The following GPATCH8 variants were observed in gnomAD, a reference collection of about 807,000 sequenced individuals.
The protein encoded by GPATCH8 is G-patch domain containing 8.
GPATCH8 carries 18 observed loss-of-function variants against 118.3 expected under a neutral mutation model. That is an observed-to-expected ratio of 0.15 (90% CI 0.11 to 0.23). GPATCH8 has a LOEUF of 0.23. Among genes scored for constraint, GPATCH8 ranks in the 10% least tolerant of loss-of-function variants. The pLI is 1.00. For synonymous variants in GPATCH8, 659 were observed against 684.7 expected (o/e 0.96, Z 0.59); for missense variants, 1,631 against 1,873.8 (o/e 0.87, Z 2.39).
chr17:44,400,183 C>T lies in GPATCH8; in HGVS notation c.1894G>A (p.Ala632Thr), dbSNP rs368506504. ...IVRSSGGRMD[A>T]PASGSACSGL... Reference sequence around the variant, plus strand: ...CTACAGGCAGACCCTGAAGCAGGTGCGTCCATTCTGCCTCCTGAGGAACGT... The same window carrying T: ...CTACAGGCAGACCCTGAAGCAGGTGTGTCCATTCTGCCTCCTGAGGAACGT... The change falls in exon 8 of 8, where the codon GCA becomes ACA. Residue 632 changes from alanine to threonine, a missense_variant. Ala to Thr is a moderately conservative substitution (Grantham distance 58). This residue lies in a region of GPATCH8 where 922 missense variants were observed against 879.7 expected (regional missense o/e 1.05). Transcript: ENST00000591680. The T allele has an allele frequency of 4.1e-5, 66 of 1,614,058 alleles. No individual in the cohort carries two copies. The highest frequency in any genetic ancestry group is 2.9e-4 in the South Asian group (26 of 91,086).
Position 44,399,459 on chromosome 17 carries a change from C to G in GPATCH8, c.2618G>C (p.Ser873Thr), listed in dbSNP as rs2048920394. Residue 873 changes from serine to threonine, a missense_variant, in exon 8 of 8, where the codon AGC (serine) becomes ACC (threonine). By Grantham distance (58) the Ser-to-Thr change is moderately conservative. Around this residue, in one of 8 missense-constraint regions of GPATCH8, gnomAD observed 922 missense variants for 879.7 expected, o/e 1.05. Coordinates refer to ENST00000591680, the MANE Select transcript of GPATCH8 (RefSeq NM_001002909.4). Reference sequence around the variant, plus strand: ...GCTCTGGTCTGAAGAGGCATCTGAGCTACTTGAGTAAGAACGCCGGGAGGA... The same window carrying G: ...GCTCTGGTCTGAAGAGGCATCTGAGGTACTTGAGTAAGAACGCCGGGAGGA... ...HRSSRRSYSSSSDASSDQSCY... is the reference protein window; with the variant it reads ...HRSSRRSYSSTSDASSDQSCY... 8 of 1,614,192 alleles carry G rather than the reference C, an allele frequency of 5.0e-6. No individual in the cohort carries two copies. Among genetic ancestry groups the G allele is most frequent in the Non-Finnish European group, 5.1e-6 (6 of 1,180,040 alleles).
intron 1 of GPATCH8, among the ~76,000 whole-genome samples, chr17:44,488,532 G>A (rs1428816922): frequency 6.6e-6 from 1 of 151,150 alleles, no homozygotes; most frequent in African/African-American, 2.4e-5. Flanking sequence ...ACCAAGCGTA[G>A]CTAACTTTTT....
chr17:44,403,396 T>A (rs575112965), intron 7 of GPATCH8, among the ~76,000 whole-genome samples: 3 of 151,592 alleles, frequency 2.0e-5, no homozygotes, highest in East Asian at 3.9e-4. Flanking sequence ...TAAAAAAAAA[T>A]TTTGCAGAGA....
chr17:44,493,627 C>T (rs1021440528), intron 1 of GPATCH8, among the ~76,000 whole-genome samples: 1 of 152,130 alleles, frequency 6.6e-6, no homozygotes, highest in African/African-American at 2.4e-5. Context: ...ATGGCGTGCA[C>T]CTGTAGTCTC....
At position 44,436,361 on chromosome 17, in the gene GPATCH8, A is replaced by C. The variant is rs185705497; in HGVS notation, c.261+117T>G. The C allele has an allele frequency of 3.0e-4, 215 of 710,708 alleles. No individual in the cohort carries two copies. In the African/African-American group the frequency reaches 3.6e-3, roughly 12 times the overall value. 44.0% of individuals were successfully genotyped at this position (710,708 alleles called of 1,614,324 possible). A position where few individuals can be genotyped will look rare whatever the true frequency, so the allele number is the denominator to read the frequency against. On this transcript the variant is annotated intron_variant, in intron 4 of 7. Coordinates refer to ENST00000591680, the MANE Select transcript of GPATCH8 (RefSeq NM_001002909.4). ...AATATATTTTTTAGTCATCCAAAGA[A>C]AAATATTAAAACTACATTTCATCTG...
intron 3 of GPATCH8, among the ~76,000 whole-genome samples, chr17:44,453,500 G>GTGTGTGTGTGTGTGTGTGT (rs1568011427): frequency 1.6e-4 from 23 of 142,770 alleles, no homozygotes; most frequent in East Asian, 6.2e-4. Flanking sequence ...GGTAGGTAGG[G>GTGTGTGTGTGTGTGTGTGT]GTGTGTGTGT....
At chr17:44,404,673 T>C (rs1335562724) in intron 7 of GPATCH8, among the ~76,000 whole-genome samples, 2 of 151,934 alleles carry the variant, frequency 1.3e-5, no homozygotes, top group African/African-American at 4.8e-5. Context: ...GTAAGAAAAA[T>C]ATGGCCTCAA....
chr17:44,453,627 G>A (rs556451459), intron 3 of GPATCH8, among the ~76,000 whole-genome samples: 6 of 151,898 alleles, frequency 4.0e-5, no homozygotes, highest in East Asian at 1.9e-4. Flanking sequence ...ATGGCCTCTC[G>A]TGATCCTCCC....
rs2048907336 is a variant in GPATCH8 at position 44,399,211 on chromosome 17, A to T, written c.2866T>A (p.Ser956Thr). 8 of 1,613,572 alleles carry T rather than the reference A, an allele frequency of 5.0e-6. No individual in the cohort carries two copies. Among genetic ancestry groups the T allele is most frequent in the Non-Finnish European group, 6.8e-6 (8 of 1,179,828 alleles). ...SRSHTRERSR[S>T]RGRSRSSSCS... is the part of the protein sequence containing the mutation. ...CTGCTGCTGCGGCTGCGGCCCCGGGATCTTGAGCGCTCTCTGGTATGACTC... is the reference window on the plus strand; with the variant it reads ...CTGCTGCTGCGGCTGCGGCCCCGGGTTCTTGAGCGCTCTCTGGTATGACTC... Residue 956 changes from serine (S) to threonine (T), a missense_variant, in exon 8 of 8, where the codon TCC becomes ACC. Physicochemically the swap from Ser to Thr is moderately conservative, Grantham distance 58 (BLOSUM62 1). This residue lies in a region of GPATCH8 where 922 missense variants were observed against 879.7 expected (regional missense o/e 1.05). Transcript: ENST00000591680.
At chr17:44,493,631 T>C (rs1969451510) in intron 1 of GPATCH8, among the ~76,000 whole-genome samples, 1 of 152,094 alleles carries the variant, frequency 6.6e-6, no homozygotes, top group South Asian at 2.1e-4. Flanking sequence ...CGTGCACCTG[T>C]AGTCTCAGCT....
rs1370919506 is a variant in GPATCH8 at position 44,396,147 on chromosome 17, T to C, written c.*1421A>G. 1.6e-5 allele frequency: 7 copies of C among 433,044 alleles called. No individual in the cohort carries two copies. In the East Asian group the frequency reaches 5.1e-4, roughly 32 times the overall value. The allele number at this position is 433,044 out of a possible 1,614,324, so 26.8% of individuals were successfully genotyped here. On this transcript the variant is annotated 3_prime_UTR_variant, in exon 8 of 8. Coordinates refer to ENST00000591680, the MANE Select transcript of GPATCH8 (RefSeq NM_001002909.4). ...GTTTCTACCAACCCAAAAGGCACAT[T>C]AAAAAAAAAATTGTCAGAGGGGGCT... is the stretch of plus-strand genomic sequence containing the variant.
rs564286975 is a variant in GPATCH8 at position 44,434,266 on chromosome 17, G to A, written c.348+799C>T. ...AAACTGCTAAAGTCAGTATAAATAG[G>A]CTGAAGAGTGAATAAAGAGAGAGGA... On this transcript the variant is annotated intron_variant, in intron 5 of 7. Transcript: ENST00000591680. Among the ~76,000 whole-genome samples the A allele has an allele frequency of 6.6e-5, 10 of 152,064 alleles. No individual in the cohort carries two copies. The South Asian group carries it at 2.1e-3, about 32-fold the overall frequency.
intron 3 of GPATCH8, among the ~76,000 whole-genome samples, chr17:44,453,111 C>T (rs1166530864): frequency 1.3e-5 from 2 of 152,138 alleles, no homozygotes; most frequent in African/African-American, 4.8e-5. Flanking sequence ...GGATTACAGG[C>T]GTGAGCCACC....
intron 6 of GPATCH8, among the ~76,000 whole-genome samples, chr17:44,418,178 G>A (rs1186411867): frequency 6.6e-6 from 1 of 151,790 alleles, no homozygotes; most frequent in African/African-American, 2.4e-5. Context: ...AGAAAGGAAG[G>A]GAGGAAGGGA....
intron 3 of GPATCH8, among the ~76,000 whole-genome samples, chr17:44,450,054 T>C (rs1393391652): frequency 3.9e-5 from 6 of 152,234 alleles, no homozygotes; most frequent in East Asian, 1.9e-4. Context: ...ATTTAATTCC[T>C]GACACCCCCA....
intron 1 of GPATCH8, among the ~76,000 whole-genome samples, chr17:44,502,268 T>C (rs912055545): frequency 6.6e-6 from 1 of 152,156 alleles, no homozygotes; most frequent in African/African-American, 2.4e-5. Flanking sequence ...CGTACTGCTT[T>C]GAGTAGGATC....
intron 3 of GPATCH8, chr17:44,438,600 G>A (rs942197826): frequency 6.6e-6 from 1 of 152,250 alleles, no homozygotes; most frequent in Non-Finnish European, 1.5e-5. Flanking sequence ...GGCTACAACA[G>A]AGAAAGTAAG....
chr17:44,479,000 C>A (rs1215069357), intron 1 of GPATCH8, among the ~76,000 whole-genome samples: 1 of 152,184 alleles, frequency 6.6e-6, no homozygotes, highest in Non-Finnish European at 1.5e-5. Context: ...CCTAAGCCAT[C>A]AAGCCTGGCC....
At chr17:44,453,214 A>C (rs2051182143) in intron 3 of GPATCH8, among the ~76,000 whole-genome samples, 1 of 152,130 alleles carries the variant, frequency 6.6e-6, no homozygotes, top group African/African-American at 2.4e-5. Context: ...TCCAGATTGG[A>C]GGAGCATTAA....
Sources: gnomAD v4.1 joint callset for allele counts (sites outside exome capture counted in the v4.1 genomes callset) on GRCh38, gnomAD v4.1.1 for gene constraint, gnomAD v4.1.1 regional missense constraint, MANE v1.5 for transcripts, NCBI Gene and HGNC (gene_info 2026-07-23, HGNC 2026-07-21) for gene names.